The following FHOD3 variants were observed in gnomAD, a reference collection of about 807,000 sequenced individuals.
FHOD3 encodes FH1/FH2 domain-containing protein 3.
FHOD3 carries 90 observed loss-of-function variants against 173.0 expected under a neutral mutation model. That is an observed-to-expected ratio of 0.52 (90% CI 0.44 to 0.62). FHOD3 has a LOEUF of 0.62. Among genes scored for constraint, FHOD3 ranks in the 20% least tolerant of loss-of-function variants. The pLI, the probability that FHOD3 is intolerant of heterozygous loss-of-function variation, is 0.00. For missense variants in FHOD3, 1,945 were observed against 2,034.7 expected, an observed-to-expected ratio of 0.96 and a Z score of 0.85; for synonymous variants, 828 against 823.0, an observed-to-expected ratio of 1.01 and a Z score of -0.10.
chr18:36,361,782 A>G (rs2046635848), intron 2 of FHOD3, among the ~76,000 whole-genome samples: 1 of 151,934 alleles, frequency 6.6e-6, no homozygotes, highest in African/African-American at 2.4e-5. Context: ...CTTGGAGAAT[A>G]TTGCCACCCC....
At chr18:36,630,397 A>T (rs1026916754) in intron 10 of FHOD3, among the ~76,000 whole-genome samples, 1 of 152,208 alleles carries the variant, frequency 6.6e-6, no homozygotes, top group African/African-American at 2.4e-5. Context: ...AAGTCCGTTT[A>T]GCAAAGTTTC....
chr18:36,652,134 T>C (rs1438467367), intron 11 of FHOD3, among the ~76,000 whole-genome samples: 5 of 152,304 alleles, frequency 3.3e-5, no homozygotes, highest in East Asian at 1.9e-4. Context: ...TTCCTCAAGG[T>C]TGGGCTTTTT....
chr18:36,501,914 T>A lies in FHOD3; in HGVS notation c.338-18T>A. On this transcript the variant is annotated intron_variant, in intron 3 of 28. Transcript: ENST00000590592. ...AGAGTCAGTTTAATTAATTTATATG[T>A]TTTATTCTTTATTTCAGAAAAACTA... The A allele has an allele frequency of 6.4e-7, 1 of 1,554,616 alleles. No individual in the cohort carries two copies. Among genetic ancestry groups the A allele is most frequent in the Non-Finnish European group, 8.8e-7 (1 of 1,138,328 alleles).
chr18:36,488,579 G>A (rs2054306835), intron 3 of FHOD3, among the ~76,000 whole-genome samples: 1 of 152,196 alleles, frequency 6.6e-6, no homozygotes, highest in Non-Finnish European at 1.5e-5. Context: ...TTTTAGAAAT[G>A]TCATTGAGGC....
chr18:36,450,511 G>A (rs1286550187), intron 3 of FHOD3, among the ~76,000 whole-genome samples: 3 of 151,618 alleles, frequency 2.0e-5, no homozygotes, highest in East Asian at 3.9e-4. Context: ...ACTCCCTGAG[G>A]CCAGGCACGG....
chr18:36,702,125 A>G (rs2039624560), intron 17 of FHOD3, among the ~76,000 whole-genome samples: 1 of 152,204 alleles, frequency 6.6e-6, no homozygotes, highest in Non-Finnish European at 1.5e-5. Context: ...TAGAGCAGTG[A>G]TTCTCAACCA....
At chr18:36,423,444 C>T (rs970731001) in intron 3 of FHOD3, among the ~76,000 whole-genome samples, 4 of 152,274 alleles carry the variant, frequency 2.6e-5, no homozygotes, top group African/African-American at 9.6e-5. Context: ...CATCTAACAA[C>T]ATTTTGTCAT....
At chr18:36,571,435 G>A (rs1414252455) in intron 5 of FHOD3, among the ~76,000 whole-genome samples, 1 of 152,216 alleles carries the variant, frequency 6.6e-6, no homozygotes, top group Non-Finnish European at 1.5e-5. Context: ...ATTCAGCAGA[G>A]TAAAGATGTC....
chr18:36,514,026 T>TTTTTTTTTTTTTTTTG (rs1568369793), intron 5 of FHOD3, among the ~76,000 whole-genome samples: 6 of 144,004 alleles, frequency 4.2e-5, no homozygotes, highest in Admixed American at 7.0e-5. Context: ...TTTTTTTTTT[T>TTTTTTTTTTTTTTTTG]GAGATGGAGT....
intron 15 of FHOD3, among the ~76,000 whole-genome samples, chr18:36,682,235 C>T (rs759606072): frequency 2.0e-5 from 3 of 152,188 alleles, no homozygotes; most frequent in Non-Finnish European, 4.4e-5. Flanking sequence ...CTCCTTCACA[C>T]CCATCCCCTG....
intron 1 of FHOD3, among the ~76,000 whole-genome samples, chr18:36,341,504 G>A (rs2045618082): frequency 6.6e-6 from 1 of 152,152 alleles, no homozygotes; most frequent in Admixed American, 6.5e-5. Flanking sequence ...ATGAGCGGCA[G>A]GTGCAGGGTC....
At chr18:36,724,003 T>C (rs1252026609) in intron 19 of FHOD3, among the ~76,000 whole-genome samples, 1 of 152,252 alleles carries the variant, frequency 6.6e-6, no homozygotes, top group Non-Finnish European at 1.5e-5. Flanking sequence ...CCAGGATGCC[T>C]ACTGAAACTA....
At chr18:36,422,446 C>G (rs1013396366) in intron 3 of FHOD3, among the ~76,000 whole-genome samples, 2 of 152,158 alleles carry the variant, frequency 1.3e-5, no homozygotes, top group Non-Finnish European at 2.9e-5. Context: ...CAGTGAATAA[C>G]GTTGCATATA....
chr18:36,543,411 A>G (rs975772166), intron 5 of FHOD3, among the ~76,000 whole-genome samples: 1 of 152,168 alleles, frequency 6.6e-6, no homozygotes, highest in African/African-American at 2.4e-5. Flanking sequence ...ATTTTTGGTC[A>G]AGAAATTTAA....
At chr18:36,728,222 A>G (rs2041176014) in intron 19 of FHOD3, among the ~76,000 whole-genome samples, 1 of 152,130 alleles carries the variant, frequency 6.6e-6, no homozygotes, top group Non-Finnish European at 1.5e-5. Flanking sequence ...GAGGGCATGG[A>G]TTTGGGGTAG....
intron 6 of FHOD3, among the ~76,000 whole-genome samples, chr18:36,580,451 T>C (rs2058808616): frequency 6.6e-6 from 1 of 152,216 alleles, no homozygotes; most frequent in Admixed American, 6.5e-5. Flanking sequence ...ACTGTGTTGT[T>C]GGAAAGGAGA....
intron 10 of FHOD3, among the ~76,000 whole-genome samples, chr18:36,644,412 C>T (rs2035543578): frequency 6.6e-6 from 1 of 152,166 alleles, no homozygotes; most frequent in South Asian, 2.1e-4. Context: ...TAAAATCAAG[C>T]CTCGAAAGTC....
chr18:36,727,112 TG>T (rs1286637755), intron 19 of FHOD3, among the ~76,000 whole-genome samples: 1 of 151,742 alleles, frequency 6.6e-6, no homozygotes, highest in Non-Finnish European at 1.5e-5. Context: ...GAGGTGGGAA[TG>T]GAGAAGTATG....
At chr18:36,654,782 CT>C (rs2036298194) in intron 13 of FHOD3, among the ~76,000 whole-genome samples, 1 of 152,178 alleles carries the variant, frequency 6.6e-6, no homozygotes, top group African/African-American at 2.4e-5. Context: ...TGATATTTTC[CT>C]TTGCTTGGTA....
Sources: gnomAD v4.1 joint callset for allele counts (sites outside exome capture counted in the v4.1 genomes callset) on GRCh38, gnomAD v4.1.1 for gene constraint, MANE v1.5 for transcripts, NCBI Gene and HGNC (gene_info 2026-07-23, HGNC 2026-07-21) for gene names.